ALPK1: variants seen among roughly 807,000 people sequenced by gnomAD.
ALPK1 encodes alpha kinase 1, also known as alpha-protein kinase 1.
ALPK1 carries 110 observed loss-of-function variants against 120.6 expected under a neutral mutation model. That is an observed-to-expected ratio of 0.91 (90% CI 0.78 to 1.07). ALPK1 has a LOEUF of 1.07. Among genes scored for constraint, ALPK1 ranks in the 50% least tolerant of loss-of-function variants. The pLI, the probability that ALPK1 is intolerant of heterozygous loss-of-function variation, is 0.00. For synonymous variants in ALPK1, 582 were observed against 560.3 expected, an observed-to-expected ratio of 1.04 and a Z score of -0.55; for missense variants, 1,498 against 1,483.9, an observed-to-expected ratio of 1.01 and a Z score of -0.16.
chr4:112,312,050 G>A (rs1039461254), intron 1 of ALPK1, among the ~76,000 whole-genome samples: 4 of 152,184 alleles, frequency 2.6e-5, no homozygotes, highest in African/African-American at 9.6e-5. Flanking sequence ...CTGGTCAATT[G>A]TAGTCAGACA....
At chr4:112,364,692 C>T (rs942722354) in intron 2 of ALPK1, among the ~76,000 whole-genome samples, 2 of 152,084 alleles carry the variant, frequency 1.3e-5, no homozygotes, top group African/African-American at 2.4e-5. Flanking sequence ...GGGAATCTTC[C>T]CTAAATCATG....
chr4:112,380,756 C>G (rs1731865730), intron 3 of ALPK1, among the ~76,000 whole-genome samples: 1 of 151,986 alleles, frequency 6.6e-6, no homozygotes, highest in African/African-American at 2.4e-5. Flanking sequence ...GTCTTTTAAT[C>G]ATACTGGTCT....
At chr4:112,421,661 A>C (rs949495610) in intron 5 of ALPK1, among the ~76,000 whole-genome samples, 1 of 152,160 alleles carries the variant, frequency 6.6e-6, no homozygotes, top group African/African-American at 2.4e-5. Context: ...CCCAAGCCTG[A>C]TTGCCATTAA....
chr4:112,387,329 G>T (rs1056002811), intron 4 of ALPK1, among the ~76,000 whole-genome samples: 2 of 152,166 alleles, frequency 1.3e-5, no homozygotes, highest in African/African-American at 4.8e-5. Context: ...GGAGCAGATT[G>T]GGCTGCAAGG....
intron 3 of ALPK1, among the ~76,000 whole-genome samples, chr4:112,382,150 T>C (rs1219434432): frequency 6.6e-6 from 1 of 152,194 alleles, no homozygotes; most frequent in East Asian, 1.9e-4. Flanking sequence ...AAAACCTTTC[T>C]TAATGCCTGA....
Position 112,382,569 on chromosome 4 carries a change from C to T in ALPK1, c.276+17C>T, listed in dbSNP as rs1200255104. 1 of 1,614,102 alleles carries T rather than the reference C, an allele frequency of 6.2e-7. No individual in the cohort carries two copies. Among genetic ancestry groups the T allele is most frequent in the Admixed American group, 1.7e-5 (1 of 60,014 alleles). On this transcript the variant is annotated intron_variant, in intron 4 of 15. Transcript: ENST00000650871. ...CAGTTACTGGTAGGAAGAGCCACAC[C>T]ACCTGTTCCTCTGATATCCCCAAGT...
In ALPK1 at chr4:112,401,592, G is replaced by GAAATCACAA. The variant is rs563337590; in HGVS notation, c.277-10233_277-10225dup. Among the ~76,000 whole-genome samples the GAAATCACAA allele has an allele frequency of 3.4e-3, 513 of 152,264 alleles. 2 individuals carry two copies. The highest frequency in any genetic ancestry group is 0.012 in the African/African-American group (495 of 41,530). ...TGGAGGAATCATCAATGTGGATGCT[G>GAAATCACAA]AAATCACAAAGAATGATGACTGGAC... On this transcript the variant is annotated intron_variant, in intron 4 of 15. Coordinates refer to ENST00000650871, the MANE Select transcript of ALPK1 (RefSeq NM_025144.4).
intron 2 of ALPK1, among the ~76,000 whole-genome samples, chr4:112,320,900 T>TTC: frequency 6.8e-6 from 1 of 147,508 alleles, no homozygotes; most frequent in East Asian, 2.0e-4. Context: ...TTTCTTTCTT[T>TTC]TTTTTTTTTT....
At chr4:112,323,918 C>T (rs1376749212) in intron 2 of ALPK1, among the ~76,000 whole-genome samples, 2 of 152,170 alleles carry the variant, frequency 1.3e-5, no homozygotes, top group African/African-American at 4.8e-5. Flanking sequence ...TCATGTCCTC[C>T]AAGTCCCACT....
At chr4:112,430,413 T>C in intron 10 of ALPK1, 35 bp from the exon 11 acceptor site, 2 of 1,520,592 alleles carry the variant, frequency 1.3e-6, no homozygotes, top group Non-Finnish European at 1.8e-6. Context: ...AGTTTTCAAT[T>C]CAATATCTGA....
At chr4:112,308,054 T>C (rs1400134604) in intron 1 of ALPK1, among the ~76,000 whole-genome samples, 1 of 152,112 alleles carries the variant, frequency 6.6e-6, no homozygotes, top group Non-Finnish European at 1.5e-5. Flanking sequence ...ATTCGTTTCT[T>C]TAAGAATGTT....
At chr4:112,439,375 C>T (rs1365007012) in intron 13 of ALPK1, among the ~76,000 whole-genome samples, 1 of 152,170 alleles carries the variant, frequency 6.6e-6, no homozygotes, top group African/African-American at 2.4e-5. Context: ...ACTTCATGTC[C>T]TGGTAACCTA....
chr4:112,323,414 A>G (rs1376310321), intron 2 of ALPK1, among the ~76,000 whole-genome samples: 1 of 152,118 alleles, frequency 6.6e-6, no homozygotes, highest in Admixed American at 6.5e-5. Flanking sequence ...TGAGCCCTAA[A>G]ATTCCAGAAC....
At chr4:112,363,632 G>A (rs948036781) in intron 2 of ALPK1, among the ~76,000 whole-genome samples, 6 of 152,094 alleles carry the variant, frequency 3.9e-5, no homozygotes, top group Admixed American at 2.6e-4. Context: ...TCCACCGACA[G>A]CACTAGACAG....
At chr4:112,352,734 T>C (rs141540436) in intron 2 of ALPK1, 1 of 152,320 alleles carries the variant, frequency 6.6e-6, no homozygotes, top group East Asian at 1.9e-4. Flanking sequence ...AACAATATAT[T>C]GTTTGGTTAT....
rs373985740 is a variant in ALPK1, at chr4:112,331,077, G to A, written c.-101+15225G>A. Among the ~76,000 whole-genome samples the A allele has an allele frequency of 6.6e-5, 10 of 152,286 alleles. No individual in the cohort carries two copies. The South Asian group carries it at 1.9e-3, about 28-fold the overall frequency. Reference sequence around the variant, plus strand: ...TAAATGGAGGGCTCACTATGCTGGCGTTTCAAGCATTCAATAGTGGTGTGG... The same window carrying A: ...TAAATGGAGGGCTCACTATGCTGGCATTTCAAGCATTCAATAGTGGTGTGG... On this transcript the variant is annotated intron_variant, in intron 2 of 15. Transcript: ENST00000650871.
intron 2 of ALPK1, among the ~76,000 whole-genome samples, chr4:112,350,820 A>G (rs770716891): frequency 1.4e-4 from 22 of 152,172 alleles, no homozygotes; most frequent in Non-Finnish European, 2.8e-4. Flanking sequence ...TCTCAAGTTG[A>G]AGGCTCTTTA....
chr4:112,418,807 G>T (rs1298792122), intron 5 of ALPK1, among the ~76,000 whole-genome samples: 1 of 152,162 alleles, frequency 6.6e-6, no homozygotes, highest in Non-Finnish European at 1.5e-5. Context: ...GTAACTGAAA[G>T]CCTCCAGCAA....
At chr4:112,304,675 A>G (rs1431404134) in intron 1 of ALPK1, among the ~76,000 whole-genome samples, 3 of 152,086 alleles carry the variant, frequency 2.0e-5, no homozygotes, top group African/African-American at 7.3e-5. Context: ...AGTAGATTGC[A>G]AAAATTTTCT....
Sources: allele counts gnomAD v4.1 joint callset (sites outside exome capture counted in the v4.1 genomes callset), GRCh38; gene constraint gnomAD v4.1.1; transcripts MANE v1.5; gene names NCBI Gene and HGNC (gene_info 2026-07-23, HGNC 2026-07-21).